Variants in EFCAB13 observed in about 807,000 individuals in gnomAD.
EFCAB13 encodes the protein EF-hand calcium binding domain 13, also known as EF-hand calcium-binding domain-containing protein 13.
In EFCAB13, 91 loss-of-function variants were observed where a neutral mutation model predicts 110.2. That is an observed-to-expected ratio of 0.83 (90% confidence interval 0.70 to 0.98). The LOEUF (loss-of-function observed/expected upper bound fraction) is 0.98. EFCAB13 is among the 50% of genes least tolerant of loss of function. EFCAB13 has a pLI of 0.00. For missense variants in EFCAB13, 968 were observed against 1,119.4 expected (o/e 0.86, Z 1.93); for synonymous variants, 323 against 369.9 (o/e 0.87, Z 1.45).
At chr17:47,389,595 T>A (rs2065694998) in intron 14 of EFCAB13, among the ~76,000 whole-genome samples, 1 of 151,612 alleles carries the variant, frequency 6.6e-6, no homozygotes, top group Non-Finnish European at 1.5e-5. Flanking sequence ...TTTTTTTTTT[T>A]TACCCTATCC....
chr17:47,426,225 A>G (rs1239313357), intron 23 of EFCAB13, among the ~76,000 whole-genome samples: 1 of 152,252 alleles, frequency 6.6e-6, no homozygotes, highest in Non-Finnish European at 1.5e-5. Flanking sequence ...TTTGGATCAC[A>G]AACCATTGAA....
intron 14 of EFCAB13, among the ~76,000 whole-genome samples, chr17:47,380,880 C>CTTCT (rs2065643599): frequency 8.1e-6 from 1 of 122,936 alleles, no homozygotes; most frequent in Admixed American, 8.6e-5. Flanking sequence ...ATTGCTTCTT[C>CTTCT]TTTTTTTTTT....
intron 9 of EFCAB13, among the ~76,000 whole-genome samples, chr17:47,351,462 A>G (rs927340482): frequency 7.9e-5 from 12 of 152,178 alleles, no homozygotes; most frequent in Admixed American, 6.5e-4. Context: ...TCCTTTGGGC[A>G]TATATACCTA....
chr17:47,346,035 G>GA (rs1369683773), intron 8 of EFCAB13, among the ~76,000 whole-genome samples: 2 of 151,802 alleles, frequency 1.3e-5, no homozygotes, highest in East Asian at 1.9e-4. Flanking sequence ...TATTTCTTTT[G>GA]AAAAAAATTT....
chr17:47,355,227 G>A (rs2065473654), intron 9 of EFCAB13, among the ~76,000 whole-genome samples: 1 of 152,138 alleles, frequency 6.6e-6, no homozygotes, highest in Non-Finnish European at 1.5e-5. Flanking sequence ...TAGCTTGTAG[G>A]GTTTCTGCTG....
chr17:47,373,017 CT>C lies in EFCAB13; in HGVS notation c.878-1452del, dbSNP rs149564362. On this transcript the variant is annotated intron_variant, in intron 11 of 24. Coordinates refer to ENST00000331493, the MANE Select transcript of EFCAB13 (RefSeq NM_152347.5). ...TTATGTAAGTTTTCTACTCTTTTGTCTTTCTCTTCTCCTTCATAAACTCTTA... is the reference window on the plus strand; with the variant it reads ...TTATGTAAGTTTTCTACTCTTTTGTCTTCTCTTCTCCTTCATAAACTCTTA... 3.4e-3 allele frequency among the ~76,000 whole-genome samples: 515 copies of C among 151,934 alleles called. 18 individuals are homozygous for C. The East Asian group carries it at 0.066, about 19-fold the overall frequency.
chr17:47,398,080 G>A (rs867022947), intron 17 of EFCAB13, among the ~76,000 whole-genome samples: 9 of 139,008 alleles, frequency 6.5e-5, no homozygotes, highest in East Asian at 2.2e-4. Context: ...TCAGCCCGCC[G>A]CCCGGCCAGC....
At chr17:47,330,495 A>G (rs1271990338) in intron 4 of EFCAB13, among the ~76,000 whole-genome samples, 1 of 151,842 alleles carries the variant, frequency 6.6e-6, no homozygotes, top group Non-Finnish European at 1.5e-5. Flanking sequence ...CTACCACTCC[A>G]TATGCCTTTT....
At chr17:47,369,159 A>G (rs1374091250) in intron 10 of EFCAB13, among the ~76,000 whole-genome samples, 2 of 152,210 alleles carry the variant, frequency 1.3e-5, no homozygotes, top group Admixed American at 6.5e-5. Context: ...TGTTTTTGAT[A>G]GACCGACTGT....
chr17:47,347,729 TA>T, intron 8 of EFCAB13, 78 bp from the exon 9 acceptor site: 1 of 1,155,836 alleles, frequency 8.7e-7, no homozygotes, highest in Non-Finnish European at 1.1e-6. Context: ...TAGTGATTAT[TA>T]TTTTTTTGAG....
chr17:47,416,312 C>T (rs899164465), intron 23 of EFCAB13, among the ~76,000 whole-genome samples: 2 of 152,174 alleles, frequency 1.3e-5, no homozygotes, highest in African/African-American at 4.8e-5. Flanking sequence ...TACTGACAAC[C>T]ATGAATCTAC....
At chr17:47,368,167 T>C (rs1236789080) in intron 10 of EFCAB13, among the ~76,000 whole-genome samples, 4 of 152,214 alleles carry the variant, frequency 2.6e-5, no homozygotes, top group African/African-American at 7.2e-5. Flanking sequence ...ATAATCTTTT[T>C]TTCAGTAAGG....
chr17:47,377,178 CACAT>C (rs771356497), intron 12 of EFCAB13, among the ~76,000 whole-genome samples: 11 of 152,120 alleles, frequency 7.2e-5, no homozygotes, highest in Non-Finnish European at 1.0e-4. Context: ...CACACACATA[CACAT>C]ACAAACACAC....
chr17:47,370,973 C>G (rs938430948), intron 11 of EFCAB13, among the ~76,000 whole-genome samples: 13 of 151,138 alleles, frequency 8.6e-5, no homozygotes, highest in Non-Finnish European at 1.6e-4. Context: ...CTCCTGACCT[C>G]AGGTGATCCA....
At chr17:47,425,011 T>G (rs907956407) in intron 23 of EFCAB13, among the ~76,000 whole-genome samples, 1 of 145,770 alleles carries the variant, frequency 6.9e-6, no homozygotes, top group Non-Finnish European at 1.5e-5. Context: ...GCCTCCCGAG[T>G]AGCTGGGACT....
At chr17:47,388,473 G>T (rs2065688572) in intron 14 of EFCAB13, among the ~76,000 whole-genome samples, 1 of 152,212 alleles carries the variant, frequency 6.6e-6, no homozygotes, top group African/African-American at 2.4e-5. Flanking sequence ...CTGGATATTT[G>T]TTTTTGGTTT....
At chr17:47,334,584 C>A (rs571126936) in intron 4 of EFCAB13, among the ~76,000 whole-genome samples, 70 of 152,194 alleles carry the variant, frequency 4.6e-4, no homozygotes, top group African/African-American at 1.7e-3. Context: ...TCTTTCTTGG[C>A]AAAGAGTATG....
chr17:47,433,142 A>G (rs1229427386), intron 24 of EFCAB13, among the ~76,000 whole-genome samples: 6 of 152,140 alleles, frequency 3.9e-5, no homozygotes, highest in Non-Finnish European at 7.4e-5. Flanking sequence ...TTTAGTGAGC[A>G]TGACACTTTG....
At chr17:47,358,956 T>G (rs559904588) in intron 9 of EFCAB13, among the ~76,000 whole-genome samples, 100 of 152,326 alleles carry the variant, frequency 6.6e-4, no homozygotes, top group Non-Finnish European at 1.1e-3. Flanking sequence ...TCTGATAATT[T>G]TTGCCAGAGT....
Sources: allele counts gnomAD v4.1 joint callset (sites outside exome capture counted in the v4.1 genomes callset), GRCh38; gene constraint gnomAD v4.1.1; transcripts MANE v1.5; gene names NCBI Gene and HGNC (gene_info 2026-07-23, HGNC 2026-07-21).